The following NHSL2 variants were observed in gnomAD, a reference collection of about 807,000 sequenced individuals.
The protein encoded by NHSL2 is NHS-like protein 2.
In NHSL2, 27 loss-of-function variants were observed where a neutral mutation model predicts 53.4. The observed-to-expected ratio is 0.51, with a 90% CI of 0.37 to 0.70. NHSL2 has a LOEUF of 0.70. NHSL2 is among the 30% of genes least tolerant of loss of function. The probability of loss-of-function intolerance (pLI) is 0.00; values close to 1 mark genes in which losing one functional copy is unlikely to be tolerated. For synonymous variants in NHSL2, 408 were observed against 404.1 expected (o/e 1.01, Z -0.12); for missense variants, 892 against 980.1 (o/e 0.91, Z 1.20).
chrX:72,139,078 G>C lies in NHSL2; in HGVS notation c.1530G>C (p.Val510=), dbSNP rs1431198567. ...SVPTDSGTTD[V]DYDEEQKANE... is the part of the protein sequence containing the mutation. ...CCACAGACTCAGGCACCACAGATGT[G>C]GACTATGATGAGGAGCAGAAGGCCA... is the stretch of plus-strand genomic sequence containing the variant. The change falls in exon 6 of 8, where the codon GTG becomes GTC. Residue 510 remains valine, a synonymous_variant. Coordinates refer to ENST00000633930, the MANE Select transcript of NHSL2 (RefSeq NM_001013627.3). The C allele has an allele frequency of 8.5e-7, 1 of 1,169,809 alleles. No homozygotes were observed. Among genetic ancestry groups the C allele is most frequent in the East Asian group, 3.2e-5 (1 of 30,920 alleles).
chrX:72,016,927 C>T (rs1257366065), intron 1 of NHSL2, among the ~76,000 whole-genome samples: 3 of 112,018 alleles, frequency 2.7e-5, no homozygotes, highest in African/African-American at 9.8e-5. Context: ...AGTAGAGAAG[C>T]AGCATATGGT....
intron 1 of NHSL2, among the ~76,000 whole-genome samples, chrX:72,122,778 C>T (rs970350467): frequency 4.5e-5 from 5 of 112,325 alleles, no homozygotes; most frequent in African/African-American, 1.3e-4. Flanking sequence ...GCTTTCCCTA[C>T]TGTCCACACC....
intron 1 of NHSL2, among the ~76,000 whole-genome samples, chrX:72,004,845 T>G (rs778256496): frequency 1.2e-4 from 12 of 98,516 alleles, no homozygotes; most frequent in Non-Finnish European, 2.0e-4. Context: ...CTTCAAAAAG[T>G]TTTATGTGCT....
intron 1 of NHSL2, among the ~76,000 whole-genome samples, chrX:71,951,507 C>G (rs2041820964): frequency 8.9e-6 from 1 of 112,005 alleles, no homozygotes; most frequent in East Asian, 2.8e-4. Context: ...CCCAATTTCT[C>G]TGCATCCTAA....
intron 1 of NHSL2, among the ~76,000 whole-genome samples, chrX:72,002,058 A>G (rs1473729645): frequency 8.9e-6 from 1 of 112,678 alleles, no homozygotes; most frequent in Non-Finnish European, 1.9e-5. Flanking sequence ...CTTTCCATAC[A>G]ATCTGGATTT....
rs765043249 is a variant in NHSL2, at chrX:72,139,783, T to C, written c.2235T>C (p.Arg745=). Residue 745 remains arginine (R), a synonymous_variant, in exon 6 of 8, where the codon CGT becomes CGC. Coordinates refer to ENST00000633930, the MANE Select transcript of NHSL2 (RefSeq NM_001013627.3). ...LPPPSSSVRV[R]PVVPERKSSL... ...CTCCAAGCAGCAGTGTCCGGGTACG[T>C]CCAGTGGTACCTGAGAGGAAGTCAT... is the stretch of plus-strand genomic sequence containing the variant. The C allele has an allele frequency of 8.3e-7, 1 of 1,208,828 alleles. No individual in the cohort carries two copies. The highest frequency in any genetic ancestry group is 1.8e-5 in the African/African-American group (1 of 56,836).
intron 1 of NHSL2, among the ~76,000 whole-genome samples, chrX:71,925,112 A>G (rs982665323): frequency 1.8e-5 from 2 of 112,250 alleles, no homozygotes; most frequent in African/African-American, 6.5e-5. Context: ...TAAATCCGCT[A>G]TATTAGTTAA....
At chrX:72,136,544 G>A (rs2042357279) in intron 4 of NHSL2, among the ~76,000 whole-genome samples, 1 of 112,083 alleles carries the variant, frequency 8.9e-6, no homozygotes, top group African/African-American at 3.2e-5. Flanking sequence ...AATGTGACCA[G>A]GTGACTGTAG....
intron 1 of NHSL2, among the ~76,000 whole-genome samples, chrX:72,110,579 AC>A (rs2042082981): frequency 9.1e-6 from 1 of 109,348 alleles, no homozygotes; most frequent in African/African-American, 3.3e-5. Context: ...CAACAAAGAA[AC>A]CCAACCCCAG....
chrX:71,977,213 A>G (rs764712942), intron 1 of NHSL2, among the ~76,000 whole-genome samples: 3 of 111,771 alleles, frequency 2.7e-5, no homozygotes, highest in Non-Finnish European at 5.6e-5. Flanking sequence ...AAATCTGTGT[A>G]ACCTTGGAAA....
chrX:72,012,971 G>A (rs2042121970), intron 1 of NHSL2, among the ~76,000 whole-genome samples: 1 of 112,418 alleles, frequency 8.9e-6, no homozygotes, highest in Non-Finnish European at 1.9e-5. Context: ...TGGATAGAGT[G>A]ATTCCTCCCA....
At chrX:72,134,780 T>C (rs763384145) in intron 4 of NHSL2, 76 bp downstream of exon 4, 114 of 751,155 alleles carry the variant, frequency 1.5e-4, no homozygotes, top group Non-Finnish European at 1.8e-4. Flanking sequence ...GCACTGGGTA[T>C]TGGGGGAGGG....
At chrX:72,105,539 G>A (rs941951296) in intron 1 of NHSL2, among the ~76,000 whole-genome samples, 12 of 111,627 alleles carry the variant, frequency 1.1e-4, no homozygotes, top group African/African-American at 3.6e-4. Context: ...GGAGGGAACC[G>A]TGCCGTTGTC....
In NHSL2 at chrX:72,106,661, C is replaced by T. The variant is rs552704102; in HGVS notation, c.281-25418C>T. Reference sequence around the variant, plus strand: ...AATCATGCTACTATAAAGACACACACACAGATATGTTTATTGTGGCACTAT... The same window carrying T: ...AATCATGCTACTATAAAGACACACATACAGATATGTTTATTGTGGCACTAT... On this transcript the variant is annotated intron_variant, in intron 1 of 7. Coordinates refer to ENST00000633930, the MANE Select transcript of NHSL2 (RefSeq NM_001013627.3). Among the ~76,000 whole-genome samples, 3 of 111,975 alleles carry T rather than the reference C, an allele frequency of 2.7e-5. No individual in the cohort carries two copies. The South Asian group carries it at 1.1e-3, about 41-fold the overall frequency.
chrX:72,068,326 T>G (rs1036368874), intron 1 of NHSL2, among the ~76,000 whole-genome samples: 1 of 112,509 alleles, frequency 8.9e-6, no homozygotes, highest in African/African-American at 3.2e-5. Flanking sequence ...GCTTTCTGGA[T>G]GGCACAGTGC....
intron 1 of NHSL2, among the ~76,000 whole-genome samples, chrX:72,106,762 A>G (rs2042044342): frequency 8.9e-6 from 1 of 112,119 alleles, no homozygotes; most frequent in Non-Finnish European, 1.9e-5. Flanking sequence ...GCACATACAC[A>G]CTATGGAATA....
intron 1 of NHSL2, among the ~76,000 whole-genome samples, chrX:71,963,974 CATATAT>C (rs377152946): frequency 2.1e-5 from 1 of 47,964 alleles, no homozygotes; most frequent in Admixed American, 3.5e-4. Flanking sequence ...TATATATATA[CATATAT>C]ATATATATAT....
chrX:72,116,289 T>C lies in NHSL2; in HGVS notation c.281-15790T>C, dbSNP rs141553872. On this transcript the variant is annotated intron_variant, in intron 1 of 7. Coordinates refer to ENST00000633930, the MANE Select transcript of NHSL2 (RefSeq NM_001013627.3). ...AATGGAGCCTGGGACTTCTGTCTGC[T>C]CCCTTAGTATGACAGTAATTCTAAC... Among the ~76,000 whole-genome samples, 584 of 112,171 alleles carry C rather than the reference T, an allele frequency of 5.2e-3. 4 individuals are homozygous for C. The highest frequency in any genetic ancestry group is 0.018 in the African/African-American group (550 of 30,806).
intron 1 of NHSL2, among the ~76,000 whole-genome samples, chrX:72,076,148 G>T (rs1025800231): frequency 9.0e-6 from 1 of 110,840 alleles, no homozygotes; most frequent in Non-Finnish European, 1.9e-5. Context: ...GGTCAGGCTG[G>T]TCTCGAACTC....
Sources: allele counts gnomAD v4.1 joint callset (sites outside exome capture counted in the v4.1 genomes callset), GRCh38; gene constraint gnomAD v4.1.1; transcripts MANE v1.5; gene names NCBI Gene and HGNC (gene_info 2026-07-23, HGNC 2026-07-21).